Variants in KIF24 observed in about 807,000 individuals in gnomAD.
KIF24 encodes kinesin-like protein KIF24.
A neutral mutation model predicts 118.9 loss-of-function variants in KIF24; 81 were observed. That is an observed-to-expected ratio of 0.68 (90% CI 0.57 to 0.82). The LOEUF (loss-of-function observed/expected upper bound fraction) is 0.82. Among genes scored for constraint, KIF24 ranks in the 40% least tolerant of loss-of-function variants. KIF24 has a pLI of 0.00. For missense variants in KIF24, 1,560 were observed against 1,661.6 expected, an observed-to-expected ratio of 0.94 and a Z score of 1.06; for synonymous variants, 599 against 610.0, an observed-to-expected ratio of 0.98 and a Z score of 0.27.
intron 4 of KIF24, 113 bp from the exon 5 acceptor site, chr9:34,290,502 G>C (rs1043462659): frequency 1.1e-5 from 7 of 634,154 alleles, no homozygotes; most frequent in African/African-American, 1.8e-5. Context: ...AGAAAATTCA[G>C]CTATAAACAC....
At chr9:34,311,694 A>G (rs1251528880) in intron 1 of KIF24, among the ~76,000 whole-genome samples, 3 of 148,226 alleles carry the variant, frequency 2.0e-5, no homozygotes, top group African/African-American at 7.4e-5. Context: ...ATATACGTAT[A>G]TATGTACATA....
intron 3 of KIF24, among the ~76,000 whole-genome samples, chr9:34,298,514 C>G (rs1302422438): frequency 6.7e-6 from 1 of 150,348 alleles, no homozygotes; most frequent in Non-Finnish European, 1.5e-5. Context: ...CCATTGCACT[C>G]CAGCCTGGGC....
intron 6 of KIF24, 30 bp downstream of exon 6, chr9:34,286,587 T>A: frequency 6.9e-7 from 1 of 1,449,336 alleles, no homozygotes; most frequent in Non-Finnish European, 9.7e-7. Context: ...ACTGTTGTGG[T>A]GGGGTAATAA....
chr9:34,304,310 G>T (rs1836834895), intron 3 of KIF24, among the ~76,000 whole-genome samples: 1 of 152,122 alleles, frequency 6.6e-6, no homozygotes, highest in Admixed American at 6.5e-5. Flanking sequence ...TAAGGATTCG[G>T]ACCTATGAGA....
chr9:34,270,199 G>A (rs759766703), intron 7 of KIF24, among the ~76,000 whole-genome samples: 6 of 133,122 alleles, frequency 4.5e-5, no homozygotes, highest in Non-Finnish European at 9.5e-5. Context: ...CCAGCCTGGC[G>A]ACAGCAAGAC....
intron 1 of KIF24, among the ~76,000 whole-genome samples, chr9:34,316,017 A>T (rs1274844909): frequency 2.7e-5 from 4 of 150,086 alleles, no homozygotes; most frequent in South Asian, 4.2e-4. Flanking sequence ...TGACAGAGCA[A>T]GACTCTGTCA....
chr9:34,322,690 C>CA (rs930957609), intron 1 of KIF24, among the ~76,000 whole-genome samples: 1 of 152,040 alleles, frequency 6.6e-6, no homozygotes, highest in Non-Finnish European at 1.5e-5. Context: ...TCCATCTCTA[C>CA]AAAAAATATA....
At chr9:34,300,098 A>G (rs1836641561) in intron 3 of KIF24, among the ~76,000 whole-genome samples, 2 of 152,202 alleles carry the variant, frequency 1.3e-5, no homozygotes, top group African/African-American at 4.8e-5. Context: ...ACATTACATT[A>G]GAATGGAAAC....
chr9:34,257,741 A>AG lies in KIF24; in HGVS notation c.1865dup (p.Ala623CysfsTer3), dbSNP rs1490319247. The AG allele has an allele frequency of 6.2e-7, 1 of 1,613,928 alleles. No homozygotes were observed. The highest frequency in any genetic ancestry group is 8.5e-7 in the Non-Finnish European group (1 of 1,179,910). On this transcript the variant is annotated frameshift_variant, in exon 11 of 13. Transcript: ENST00000402558. LOFTEE classifies it high-confidence loss of function. ...CCCTTTTACCAGAGACCTTAGGTGCAGAAGTAAAAGGAATGTTGGGTGGGT... is the reference window on the plus strand; with the variant it reads ...CCCTTTTACCAGAGACCTTAGGTGCAGGAAGTAAAAGGAATGTTGGGTGGGT...
chr9:34,297,210 T>C (rs1836517986), intron 3 of KIF24, 96 bp from the exon 4 acceptor site: 1 of 674,372 alleles, frequency 1.5e-6, no homozygotes, highest in Non-Finnish European at 2.6e-6. Flanking sequence ...AATATGTCTT[T>C]AAGTAACAGT....
intron 6 of KIF24, among the ~76,000 whole-genome samples, chr9:34,281,975 T>C (rs1835865561): frequency 6.6e-6 from 1 of 152,170 alleles, no homozygotes; most frequent in Non-Finnish European, 1.5e-5. Flanking sequence ...AAAGTCACTT[T>C]GGAAAACAGT....
intron 1 of KIF24, among the ~76,000 whole-genome samples, chr9:34,327,901 T>C (rs1476462766): frequency 1.3e-5 from 2 of 151,472 alleles, no homozygotes; most frequent in African/African-American, 2.4e-5. Context: ...CACAGTGAAT[T>C]AGAGACAGAG....
At chr9:34,269,924 TA>T (rs1200962658) in intron 7 of KIF24, among the ~76,000 whole-genome samples, 1 of 150,180 alleles carries the variant, frequency 6.7e-6, no homozygotes, top group Non-Finnish European at 1.5e-5. Flanking sequence ...CCCCATCTCT[TA>T]AAAAATTCTA....
intron 3 of KIF24, among the ~76,000 whole-genome samples, chr9:34,298,312 G>A (rs564669841): frequency 1.3e-5 from 2 of 152,214 alleles, no homozygotes; most frequent in African/African-American, 4.8e-5. Flanking sequence ...TTGGGAGGCC[G>A]AGGCAGGTGG....
chr9:34,333,259 C>G, upstream of KIF24, among the ~76,000 whole-genome samples: 1 of 152,112 alleles, frequency 6.6e-6, no homozygotes, highest in East Asian at 1.9e-4. Flanking sequence ...GGCCCTCTCC[C>G]CCCAACTAAA....
intron 6 of KIF24, among the ~76,000 whole-genome samples, chr9:34,275,316 C>A (rs1234972503): frequency 1.3e-5 from 2 of 152,196 alleles, no homozygotes; most frequent in Admixed American, 6.5e-5. Flanking sequence ...ATTGCTTGAA[C>A]CCGGGAGGTG....
chr9:34,267,331 A>G (rs1835332911), intron 8 of KIF24, among the ~76,000 whole-genome samples: 1 of 152,164 alleles, frequency 6.6e-6, no homozygotes, highest in Non-Finnish European at 1.5e-5. Context: ...TAGAGAAATT[A>G]GGCTGACAAC....
At chr9:34,308,399 T>G (rs538268630) in intron 2 of KIF24, among the ~76,000 whole-genome samples, 116 of 152,004 alleles carry the variant, frequency 7.6e-4, no homozygotes, top group African/African-American at 2.7e-3. Context: ...TTTTCCTACC[T>G]CAGCCTCTAG....
At chr9:34,330,083 TAAAC>T (rs1023727763), upstream of KIF24, among the ~76,000 whole-genome samples, 28 of 152,188 alleles carry the variant, frequency 1.8e-4, no homozygotes, top group Non-Finnish European at 3.2e-4. Context: ...CCCACCGCCT[TAAAC>T]AAACAAACAA....
Sources: allele counts gnomAD v4.1 joint callset (sites outside exome capture counted in the v4.1 genomes callset), GRCh38; gene constraint gnomAD v4.1.1; transcripts MANE v1.5; gene names NCBI Gene and HGNC (gene_info 2026-07-23, HGNC 2026-07-21).